The following FNBP1 variants were observed in gnomAD, a reference collection of about 807,000 sequenced individuals.
The protein encoded by FNBP1 is formin binding protein 1, also known as formin-binding protein 1.
A neutral mutation model predicts 90.6 loss-of-function variants in FNBP1; 26 were observed. That is an observed-to-expected ratio of 0.29 (90% CI 0.21 to 0.40). The LOEUF is 0.40. Ranked by LOEUF, FNBP1 falls within the 10% of genes least tolerant of loss-of-function variation. FNBP1 has a pLI of 1.00. For synonymous variants in FNBP1, 260 were observed against 265.2 expected, an observed-to-expected ratio of 0.98 and a Z score of 0.19; for missense variants, 635 against 768.0, an observed-to-expected ratio of 0.83 and a Z score of 2.05.
intron 15 of FNBP1, among the ~76,000 whole-genome samples, chr9:129,897,229 T>C (rs751161520): frequency 2.0e-5 from 3 of 152,190 alleles, no homozygotes; most frequent in Non-Finnish European, 4.4e-5. Context: ...AGTTTGTCAA[T>C]GGCGGCATCT....
rs950051952 is a variant in FNBP1 at position 129,887,531 on chromosome 9, C to T, written c.*3008G>A. On this transcript the variant is annotated 3_prime_UTR_variant, in exon 17 of 17. Coordinates refer to ENST00000446176, the MANE Select transcript of FNBP1 (RefSeq NM_015033.3). ...ACTTAGCATGAACGTCACTTTTTGA[C>T]GTCGTGTAAACTTTCTTCTGCAATG... The T allele has an allele frequency of 1.4e-5, 3 of 208,100 alleles. No individual in the cohort carries two copies. Among genetic ancestry groups the T allele is most frequent in the Non-Finnish European group, 2.9e-5 (3 of 102,194 alleles). The allele number at this position is 208,100 out of a possible 1,614,324, so 12.9% of individuals were successfully genotyped here.
intron 1 of FNBP1, among the ~76,000 whole-genome samples, chr9:130,003,739 C>T (rs1010781290): frequency 1.5e-4 from 22 of 151,464 alleles, no homozygotes; most frequent in African/African-American, 4.1e-4. Context: ...CTGGCTAACA[C>T]GGTGAAACCC....
intron 1 of FNBP1, among the ~76,000 whole-genome samples, chr9:130,030,285 AT>A (rs1364456426): frequency 6.6e-6 from 1 of 152,028 alleles, no homozygotes; most frequent in Non-Finnish European, 1.5e-5. Context: ...AAATACAAAA[AT>A]TAGCTGGGCG....
intron 6 of FNBP1, among the ~76,000 whole-genome samples, chr9:129,955,833 G>GCACACACACACACACACACACACACA (rs10656523): frequency 7.2e-6 from 1 of 138,946 alleles, no homozygotes; most frequent in South Asian, 2.3e-4. Context: ...TTCTTTTAGC[G>GCACACACACACACACACACACACACA]CGCACACACA....
At chr9:129,942,574 G>T (rs967087419) in intron 6 of FNBP1, among the ~76,000 whole-genome samples, 1 of 152,214 alleles carries the variant, frequency 6.6e-6, no homozygotes, top group African/African-American at 2.4e-5. Context: ...TAGTAAAGCT[G>T]AATGGTAAAC....
Position 129,960,234 on chromosome 9 carries a change from G to A in FNBP1, c.346-1681C>T, listed in dbSNP as rs185063723. ...TCTACTAAAAATACAAAAACTGGCC[G>A]GGCGTGGTGGCGTGGACCTGTAATC... On this transcript the variant is annotated intron_variant, in intron 4 of 16. Coordinates refer to ENST00000446176, the MANE Select transcript of FNBP1 (RefSeq NM_015033.3). Among the ~76,000 whole-genome samples the A allele has an allele frequency of 1.8e-3, 273 of 151,618 alleles. 3 individuals are homozygous for A. The highest frequency in any genetic ancestry group is 6.0e-3 in the African/African-American group (248 of 41,264).
At chr9:129,974,837 G>A (rs1372095008) in intron 4 of FNBP1, among the ~76,000 whole-genome samples, 2 of 149,398 alleles carry the variant, frequency 1.3e-5, no homozygotes, top group Admixed American at 6.7e-5. Context: ...TCCAGCCTAG[G>A]CAACAGAATG....
chr9:129,999,248 C>T (rs1480175973), intron 1 of FNBP1, among the ~76,000 whole-genome samples: 2 of 152,164 alleles, frequency 1.3e-5, no homozygotes, highest in Non-Finnish European at 2.9e-5. Flanking sequence ...TGCATCCCTT[C>T]CTGCCTGATG....
In FNBP1 at chr9:129,887,760, C is replaced by T. The variant is rs117418925; in HGVS notation, c.*2779G>A. On this transcript the variant is annotated 3_prime_UTR_variant, in exon 17 of 17. Coordinates refer to ENST00000446176, the MANE Select transcript of FNBP1 (RefSeq NM_015033.3). ...TTTCACTGCGTTTCTAAGAACTTTTCAGGGCAGGTTCTTTTAAAATTAGTC... is the reference window on the plus strand; with the variant it reads ...TTTCACTGCGTTTCTAAGAACTTTTTAGGGCAGGTTCTTTTAAAATTAGTC... 47 of 226,572 alleles carry T rather than the reference C, an allele frequency of 2.1e-4. No individual in the cohort carries two copies. The highest frequency in any genetic ancestry group is 3.5e-4 in the Non-Finnish European group (40 of 113,944). 14.0% of individuals were successfully genotyped at this position (226,572 alleles called of 1,614,324 possible). A position where few individuals can be genotyped will look rare whatever the true frequency, so the allele number is the denominator to read the frequency against.
At chr9:129,989,391 C>T (rs975266116) in intron 2 of FNBP1, among the ~76,000 whole-genome samples, 2 of 152,142 alleles carry the variant, frequency 1.3e-5, no homozygotes, top group Admixed American at 1.3e-4. Context: ...CTCATCAGCT[C>T]TCACAGGCCG....
rs544860328 is a variant in FNBP1, at chr9:129,973,451, C to T, written c.345+5014G>A. 1.5e-3 allele frequency among the ~76,000 whole-genome samples: 236 copies of T among 152,260 alleles called. 1 individual carries two copies. Among genetic ancestry groups the T allele is most frequent in the Non-Finnish European group, 2.5e-3 (171 of 68,008 alleles). ...TCTAAAGGAGAAATGTTGGTTATTACGAGAAGGTCTTAAATAGCTCCTTTT... is the reference window on the plus strand; with the variant it reads ...TCTAAAGGAGAAATGTTGGTTATTATGAGAAGGTCTTAAATAGCTCCTTTT... On this transcript the variant is annotated intron_variant, in intron 4 of 16. Coordinates refer to ENST00000446176, the MANE Select transcript of FNBP1 (RefSeq NM_015033.3).
intron 10 of FNBP1, among the ~76,000 whole-genome samples, chr9:129,918,434 G>A (rs1564325018): frequency 1.3e-5 from 2 of 152,214 alleles, no homozygotes; most frequent in Non-Finnish European, 2.9e-5. Context: ...TTAAAAAGCT[G>A]TCAGTTTCAG....
intron 1 of FNBP1, among the ~76,000 whole-genome samples, chr9:130,029,755 A>AG (rs1287224062): frequency 1.3e-5 from 2 of 151,742 alleles, no homozygotes; most frequent in Non-Finnish European, 2.9e-5. Context: ...AGGCCAAGGC[A>AG]GGGGGATCGC....
the FNBP1 span, chr9:130,053,715 C>T: frequency 1.7e-6 from 1 of 577,874 alleles, no homozygotes. Context: ...TTGGCTTCAT[C>T]TCTAACTGAA....
intron 2 of FNBP1, among the ~76,000 whole-genome samples, chr9:129,986,913 A>G (rs1261593709): frequency 2.0e-5 from 3 of 152,128 alleles, no homozygotes; most frequent in African/African-American, 7.2e-5. Context: ...ACATAATCAA[A>G]GAACTTTCTC....
At chr9:130,009,679 G>A (rs1239465096) in intron 1 of FNBP1, among the ~76,000 whole-genome samples, 1 of 152,150 alleles carries the variant, frequency 6.6e-6, no homozygotes, top group African/African-American at 2.4e-5. Context: ...GCATGGGCCT[G>A]TAGTCTCATC....
chr9:130,005,320 A>G (rs967737616), intron 1 of FNBP1, among the ~76,000 whole-genome samples: 9 of 149,156 alleles, frequency 6.0e-5, no homozygotes, highest in Non-Finnish European at 1.3e-4. Flanking sequence ...GATTTAAATT[A>G]ATTTCCATAG....
At chr9:129,991,094 T>C (rs2053076838) in intron 2 of FNBP1, among the ~76,000 whole-genome samples, 1 of 151,566 alleles carries the variant, frequency 6.6e-6, no homozygotes, top group South Asian at 2.1e-4. Context: ...CCACCACGCC[T>C]GGCTAATGTT....
chr9:129,915,305 A>G (rs1041915730), intron 11 of FNBP1, among the ~76,000 whole-genome samples: 3 of 151,888 alleles, frequency 2.0e-5, no homozygotes, highest in Non-Finnish European at 4.4e-5. Flanking sequence ...TTTTTCAACT[A>G]TTAATTTACT....
Sources: allele counts gnomAD v4.1 joint callset (sites outside exome capture counted in the v4.1 genomes callset), GRCh38; gene constraint gnomAD v4.1.1; transcripts MANE v1.5; gene names NCBI Gene and HGNC (gene_info 2026-07-23, HGNC 2026-07-21).